Variants in PHIP observed in about 807,000 individuals in gnomAD.
The protein encoded by PHIP is PHIP subunit of CUL4-Ring ligase complex, also known as PH-interacting protein.
A neutral mutation model predicts 236.8 loss-of-function variants in PHIP; 54 were observed. The observed-to-expected ratio is 0.23, with a 90% confidence interval of 0.18 to 0.29. The LOEUF is 0.29. Ranked by LOEUF, PHIP falls within the 10% of genes least tolerant of loss-of-function variation. The pLI is 1.00. For synonymous variants in PHIP, 756 were observed against 718.9 expected (o/e 1.05, Z -0.83); for missense variants, 1,370 against 2,190.8 (o/e 0.63, Z 7.48).
intron 23 of PHIP, among the ~76,000 whole-genome samples, chr6:78,979,386 A>G (rs969049581): frequency 6.6e-6 from 1 of 152,102 alleles, no homozygotes; most frequent in African/African-American, 2.4e-5. Flanking sequence ...AATGCTATCA[A>G]TTTTATAAAC....
chr6:79,007,894 T>C (rs1487585018), intron 15 of PHIP, among the ~76,000 whole-genome samples: 2 of 152,012 alleles, frequency 1.3e-5, no homozygotes, highest in African/African-American at 2.4e-5. Flanking sequence ...CTTGCCAACC[T>C]AGGGAAAAAT....
chr6:79,077,152 G>A (rs968541039), intron 4 of PHIP, among the ~76,000 whole-genome samples: 1 of 151,722 alleles, frequency 6.6e-6, no homozygotes, highest in African/African-American at 2.4e-5. Flanking sequence ...ACGGACGCGC[G>A]CGCCGGCCCC....
chr6:79,045,653 T>C (rs1772448548), intron 6 of PHIP, among the ~76,000 whole-genome samples: 2 of 152,170 alleles, frequency 1.3e-5, no homozygotes, highest in Non-Finnish European at 2.9e-5. Context: ...AAGAGACCAA[T>C]TAATTTGAGT....
At chr6:79,064,240 T>G (rs1013742895) in intron 4 of PHIP, among the ~76,000 whole-genome samples, 1 of 152,150 alleles carries the variant, frequency 6.6e-6, no homozygotes, top group Non-Finnish European at 1.5e-5. Flanking sequence ...GTACACTAAC[T>G]TCCTCTCAAC....
At chr6:78,985,559 C>G (rs1582169908) in intron 21 of PHIP, 131 bp from the exon 22 acceptor site, 2 of 687,436 alleles carry the variant, frequency 2.9e-6, no homozygotes, top group East Asian at 2.8e-5. Context: ...AAATTAGTTG[C>G]AAAGGGTGTT....
intron 6 of PHIP, among the ~76,000 whole-genome samples, chr6:79,058,365 C>T (rs1187647224): frequency 1.3e-5 from 2 of 151,356 alleles, no homozygotes; most frequent in Non-Finnish European, 2.9e-5. Context: ...GTTCCTCTCT[C>T]CTTGTCAGCA....
chr6:79,030,467 G>C (rs1011284482), intron 7 of PHIP, among the ~76,000 whole-genome samples: 2 of 152,162 alleles, frequency 1.3e-5, no homozygotes, highest in African/African-American at 4.8e-5. Flanking sequence ...AAAGTACAAA[G>C]TGTAAGTGAA....
rs1213310084 is a variant in PHIP, at chr6:78,958,493, A to T, written c.3764T>A (p.Leu1255His). Residue 1255 changes from leucine to histidine, a missense_variant, in exon 32 of 40, where the codon CTT (leucine) becomes CAT (histidine). Physicochemically the swap from Leu to His is moderately conservative, Grantham distance 99. Coordinates refer to ENST00000275034, the MANE Select transcript of PHIP (RefSeq NM_017934.7). ...IVKSAKFVTDLLLHFIKDQTC... is the reference protein window; with the variant it reads ...IVKSAKFVTDHLLHFIKDQTC... ...AACTTACTTTATAAAATGTAGAAGA[A>T]GATCAGTCACGAATTTAGCAGATTT... 7.8e-6 allele frequency: 12 copies of T among 1,539,120 alleles called. No homozygotes were observed. Among genetic ancestry groups the T allele is most frequent in the Non-Finnish European group, 9.9e-6 (11 of 1,113,026 alleles).
intron 22 of PHIP, 42 bp downstream of exon 22, chr6:78,985,310 G>T: frequency 9.3e-7 from 1 of 1,075,094 alleles, no homozygotes; most frequent in Non-Finnish European, 1.4e-6. Flanking sequence ...CCTTTCTAAA[G>T]ACTTTATATA....
At chr6:78,949,386 C>G (rs1343934004) in intron 35 of PHIP, among the ~76,000 whole-genome samples, 1 of 152,064 alleles carries the variant, frequency 6.6e-6, no homozygotes, top group African/African-American at 2.4e-5. Context: ...AAGTATAAAG[C>G]CACAATCAGC....
chr6:78,982,992 T>G lies in PHIP; in HGVS notation c.2663A>C (p.Glu888Ala). 6.2e-7 allele frequency: 1 copy of G among 1,609,924 alleles called. No individual in the cohort carries two copies. The highest frequency in any genetic ancestry group is 8.5e-7 in the Non-Finnish European group (1 of 1,177,514). ...TTTAATCTGTTTTTGCTTCTGTTTT[T>G]CAGATTCTTCTTCTTCATCTGAACT... is the stretch of plus-strand genomic sequence containing the variant. ...ESSSDEEEES[E>A]KQKQKQIKKE... The change falls in exon 23 of 40, where the codon GAA (glutamate) becomes GCA (alanine). Residue 888 changes from glutamate (E) to alanine (A), a missense_variant. Physicochemically the swap from Glu to Ala is moderately radical, Grantham distance 107. Coordinates refer to ENST00000275034, the MANE Select transcript of PHIP (RefSeq NM_017934.7).
intron 35 of PHIP, among the ~76,000 whole-genome samples, chr6:78,949,221 T>C (rs1441678908): frequency 1.3e-5 from 2 of 152,200 alleles, no homozygotes; most frequent in East Asian, 3.9e-4. Flanking sequence ...CTTCTTCAGA[T>C]TCTGCATTTG....
chr6:78,947,796 G>C, intron 35 of PHIP, 21 bp from the exon 36 acceptor site: 1 of 1,572,718 alleles, frequency 6.4e-7, no homozygotes, highest in Non-Finnish European at 8.7e-7. Context: ...GAAAACAGGT[G>C]GTGTTATGAT....
At chr6:78,998,130 T>C (rs1347899281) in intron 18 of PHIP, 124 bp downstream of exon 18, 2 of 671,734 alleles carry the variant, frequency 3.0e-6, no homozygotes, top group South Asian at 2.0e-5. Context: ...ACCATGATCA[T>C]TTTGGCAACC....
At chr6:78,971,935 G>A (rs895019766) in intron 24 of PHIP, among the ~76,000 whole-genome samples, 22 of 152,194 alleles carry the variant, frequency 1.4e-4, no homozygotes, top group Admixed American at 2.0e-4. Context: ...CTGCAAGGCG[G>A]CAGCGAGGCT....
intron 39 of PHIP, among the ~76,000 whole-genome samples, chr6:78,942,312 G>A (rs564649595): frequency 2.0e-5 from 3 of 152,164 alleles, no homozygotes; most frequent in South Asian, 4.2e-4. Context: ...GCGAAACCCC[G>A]TCTCTACTAA....
chr6:79,058,475 T>C (rs1562215726), intron 6 of PHIP, among the ~76,000 whole-genome samples: 1 of 152,098 alleles, frequency 6.6e-6, no homozygotes, highest in Non-Finnish European at 1.5e-5. Flanking sequence ...ACACCAATTT[T>C]CTTGAGTAGC....
At position 79,069,981 on chromosome 6, in the gene PHIP, AAAAC is replaced by A. The variant is rs576237803; in HGVS notation, c.189+7463_189+7466del. Among the ~76,000 whole-genome samples the A allele has an allele frequency of 3.1e-3, 475 of 152,194 alleles. 2 individuals carry two copies. The highest frequency in any genetic ancestry group is 0.011 in the African/African-American group (440 of 41,552). On this transcript the variant is annotated intron_variant, in intron 4 of 39. Coordinates refer to ENST00000275034, the MANE Select transcript of PHIP (RefSeq NM_017934.7). ...TTAAAGAAAATGCAATACTATAAGA[AAAAC>A]AAACAAAAAAAGAAAATGCAATACT...
At chr6:79,039,449 CTT>C (rs66577603) in intron 7 of PHIP, among the ~76,000 whole-genome samples, 77,993 of 151,688 alleles carry the variant, frequency 0.51, 20,320 homozygotes, top group East Asian at 0.69. Context: ...GATTAGGTAT[CTT>C]TATCTCCTAT....
Sources: allele counts gnomAD v4.1 joint callset (sites outside exome capture counted in the v4.1 genomes callset), GRCh38; gene constraint gnomAD v4.1.1; transcripts MANE v1.5; gene names NCBI Gene and HGNC (gene_info 2026-07-23, HGNC 2026-07-21).